LSM4: variants seen among roughly 807,000 people sequenced by gnomAD.
The protein encoded by LSM4 is U6 snRNA-associated Sm-like protein LSm4.
Under a neutral mutation model 22.3 loss-of-function variants are expected in LSM4, and 15 were observed. The observed-to-expected ratio is 0.67, with a 90% CI of 0.45 to 1.03. The LOEUF is 1.03. LSM4 is among the 50% of genes least tolerant of loss of function. The pLI, the probability that LSM4 is intolerant of heterozygous loss-of-function variation, is 0.00. For missense variants in LSM4, 127 were observed against 198.0 expected (o/e 0.64, Z 2.15); for synonymous variants, 90 against 79.8 (o/e 1.13, Z -0.68).
chr19:18,313,151 G>A (rs1411943451), intron 2 of LSM4, among the ~76,000 whole-genome samples: 1 of 151,572 alleles, frequency 6.6e-6, no homozygotes, highest in Non-Finnish European at 1.5e-5. Flanking sequence ...CCCAGGAGGC[G>A]GAGGTTGCAG....
chr19:18,310,679 G>A (rs559725651), intron 3 of LSM4, among the ~76,000 whole-genome samples: 7 of 152,172 alleles, frequency 4.6e-5, no homozygotes, highest in Middle Eastern at 3.4e-3. Flanking sequence ...CACGCACGAC[G>A]CCTGGATGGC....
At chr19:18,310,325 T>C (rs1970284998) in intron 3 of LSM4, 1 of 188,036 alleles carries the variant, frequency 5.3e-6, no homozygotes, top group Non-Finnish European at 1.1e-5. Context: ...GAAGCCTCTC[T>C]ACATGCCCTG....
intron 2 of LSM4, among the ~76,000 whole-genome samples, chr19:18,312,942 C>T (rs944703331): frequency 6.6e-6 from 1 of 152,178 alleles, no homozygotes; most frequent in African/African-American, 2.4e-5. Context: ...GATACTGGGC[C>T]GGGCGCGGTG....
intron 2 of LSM4, among the ~76,000 whole-genome samples, chr19:18,314,892 C>CT (rs71164394): frequency 0.41 from 61,405 of 149,322 alleles, 14,427 homozygotes; most frequent in East Asian, 0.74. Context: ...TAATATTATC[C>CT]TTTTTTTTTT....
chr19:18,313,844 A>G (rs922031364), intron 2 of LSM4, among the ~76,000 whole-genome samples: 3 of 151,852 alleles, frequency 2.0e-5, no homozygotes, highest in Non-Finnish European at 2.9e-5. Flanking sequence ...TTGAGATGGA[A>G]GTTTCTCTGT....
chr19:18,317,543 T>G (rs1970370195), intron 1 of LSM4, among the ~76,000 whole-genome samples: 1 of 151,986 alleles, frequency 6.6e-6, no homozygotes. Flanking sequence ...GAGACAGGGT[T>G]TCACCGTGTT....
chr19:18,312,459 C>T, intron 3 of LSM4, 145 bp downstream of exon 3: 1 of 672,074 alleles, frequency 1.5e-6, no homozygotes, highest in Non-Finnish European at 2.6e-6. Flanking sequence ...TCACCCTGCC[C>T]TGTCCCTCCT....
At chr19:18,309,115 C>T (rs1220876983) in intron 4 of LSM4, among the ~76,000 whole-genome samples, 2 of 151,786 alleles carry the variant, frequency 1.3e-5, no homozygotes, top group Non-Finnish European at 1.5e-5. Flanking sequence ...ACAGAATTGG[C>T]GCCTGGGGCC....
intron 2 of LSM4, among the ~76,000 whole-genome samples, chr19:18,314,192 A>C (rs1473614655): frequency 1.3e-5 from 2 of 152,166 alleles, no homozygotes; most frequent in East Asian, 3.9e-4. Flanking sequence ...GCAATAGCCA[A>C]AAAGGGGAAA....
At chr19:18,312,451 AC>A (rs954925724) in intron 3 of LSM4, 152 bp downstream of exon 3, 4 of 640,850 alleles carry the variant, frequency 6.2e-6, no homozygotes, top group African/African-American at 3.6e-5. Flanking sequence ...GGCCTAGCTC[AC>A]CCTGCCCTGT....
intron 1 of LSM4, among the ~76,000 whole-genome samples, chr19:18,316,989 G>T (rs1241444544): frequency 6.6e-6 from 1 of 152,058 alleles, no homozygotes; most frequent in African/African-American, 2.4e-5. Context: ...GCACGGTGGT[G>T]CGCATCTGTA....
chr19:18,315,772 T>C (rs1970347734), intron 2 of LSM4, among the ~76,000 whole-genome samples: 1 of 152,106 alleles, frequency 6.6e-6, no homozygotes, highest in Non-Finnish European at 1.5e-5. Flanking sequence ...TCCTCCTGTC[T>C]TGGCCTCCCA....
At chr19:18,311,263 G>T (rs1211819297) in intron 3 of LSM4, among the ~76,000 whole-genome samples, 2 of 152,266 alleles carry the variant, frequency 1.3e-5, no homozygotes, top group East Asian at 3.9e-4. Context: ...CGCTCCAGAG[G>T]TCTCTCAGCC....
Position 18,312,679 on chromosome 19 carries a change from C to A in LSM4, c.69G>T (p.Glu23Asp), listed in dbSNP as rs1970311372. The A allele has an allele frequency of 6.2e-7, 1 of 1,613,688 alleles. No individual in the cohort carries two copies. The highest frequency in any genetic ancestry group is 1.3e-5 in the African/African-American group (1 of 74,904). ...AGCTCACCAGGTGTCCATTGTACGT[C>A]TCCCCATTTTTCAGCTCCACCAACT... ...HPMLVELKNG[E>D]TYNGHLVSCD... Residue 23 changes from glutamate (E) to aspartate (D), a missense_variant, in exon 3 of 5, where the codon GAG becomes GAT. Glu to Asp is a conservative substitution (Grantham distance 45). Transcript: ENST00000593829.
chr19:18,307,786 CGGG>C (rs35068456), intron 4 of LSM4, among the ~76,000 whole-genome samples: 65,843 of 150,204 alleles, frequency 0.44, 15,576 homozygotes, highest in East Asian at 0.75. Flanking sequence ...CCCAGGGATG[CGGG>C]GGGGGGGGAC....
chr19:18,307,534 C>T lies in LSM4; in HGVS notation c.350G>A (p.Arg117Gln), dbSNP rs1222128917. 3 of 1,547,752 alleles carry T rather than the reference C, an allele frequency of 1.9e-6. No homozygotes were observed. The highest frequency in any genetic ancestry group is 2.0e-5 in the Admixed American group (1 of 50,230). ...TCTGCCTGTGCCCGGGATCCCACCT[C>T]GGCCCCGGCCACCAAACACACCTAG... ...AGRGVFGGRG[R>Q]GGIPGTGRGQ... The change falls in exon 5 of 5, where the codon CGA (arginine) becomes CAA (glutamine). Residue 117 changes from arginine to glutamine, a missense_variant. Physicochemically the swap from Arg to Gln is conservative, Grantham distance 43. Coordinates refer to ENST00000593829, the MANE Select transcript of LSM4 (RefSeq NM_012321.5).
chr19:18,310,140 G>C (rs906441062), intron 3 of LSM4: 25 of 453,152 alleles, frequency 5.5e-5, no homozygotes, highest in African/African-American at 5.0e-4. Flanking sequence ...CTCTGCCCGT[G>C]GGCCTGGCTC....
intron 2 of LSM4, 136 bp downstream of exon 2, chr19:18,315,888 A>G (rs1970349420): frequency 5.8e-6 from 4 of 693,634 alleles, no homozygotes; most frequent in Non-Finnish European, 1.0e-5. Flanking sequence ...GAGTGTGGAC[A>G]CTCCTGGGGA....
Position 18,315,980 on chromosome 19 carries a change from T to C in LSM4, c.45+44A>G, listed in dbSNP as rs539235634. The C allele has an allele frequency of 7.7e-5, 124 of 1,601,984 alleles. 1 individual carries two copies. The East Asian group carries it at 9.2e-4, about 12-fold the overall frequency. Reference sequence around the variant, plus strand: ...TCAGCCACCGCCCCTGTGCTGAGGCTGGCCCCCTCTCAAACAGGCTTTCCC... The same window carrying C: ...TCAGCCACCGCCCCTGTGCTGAGGCCGGCCCCCTCTCAAACAGGCTTTCCC... On this transcript the variant is annotated intron_variant, in intron 2 of 4. Transcript: ENST00000593829.
Sources: gnomAD v4.1 joint callset for allele counts (sites outside exome capture counted in the v4.1 genomes callset) on GRCh38, gnomAD v4.1.1 for gene constraint, MANE v1.5 for transcripts, NCBI Gene and HGNC (gene_info 2026-07-23, HGNC 2026-07-21) for gene names.